The following ANKRD11 variants were observed in gnomAD, a reference collection of about 807,000 sequenced individuals.
ANKRD11 encodes ankyrin repeat domain 11, also known as ankyrin repeat domain-containing protein 11.
A neutral mutation model predicts 195.7 loss-of-function variants in ANKRD11; 17 were observed. The observed-to-expected ratio is 0.09, with a 90% confidence interval of 0.06 to 0.13. The LOEUF (loss-of-function observed/expected upper bound fraction) is 0.13. Among genes scored for constraint, ANKRD11 ranks in the 10% least tolerant of loss-of-function variants. The pLI is 1.00. For synonymous variants in ANKRD11, 1,953 were observed against 1,528.1 expected (o/e 1.28, Z -6.49); for missense variants, 3,735 against 3,566.1 (o/e 1.05, Z -1.21).
rs1178532251 is a variant in ANKRD11, at chr16:89,282,810, C to T, written c.3732G>A (p.Lys1244=). The part of the protein sequence containing the change: ...NKQKLPEKAE[K]KHAAEDKAKS... ...TAGCCTTGTCTTCGGCAGCGTGCTT[C>T]TTTTCAGCCTTCTCGGGGAGCTTCT... Residue 1244 remains lysine (K), a synonymous_variant, in exon 9 of 13, where the codon AAG becomes AAA. Transcript: ENST00000301030. 6.2e-7 allele frequency: 1 copy of T among 1,611,424 alleles called. No individual in the cohort carries two copies. Among genetic ancestry groups the T allele is most frequent in the East Asian group, 2.2e-5 (1 of 44,884 alleles).
In ANKRD11 at chr16:89,304,423, TACAGGCACAC is replaced by T. The variant is rs561793545; in HGVS notation, c.226+773_226+782del. Among the ~76,000 whole-genome samples, 6 of 144,070 alleles carry T rather than the reference TACAGGCACAC, an allele frequency of 4.2e-5. No individual in the cohort carries two copies. The South Asian group carries it at 6.6e-4, about 16-fold the overall frequency. 94.5% of individuals were successfully genotyped at this position (144,070 alleles called of 152,430 possible). A position where few individuals can be genotyped will look rare whatever the true frequency, so the allele number is the denominator to read the frequency against. On this transcript the variant is annotated intron_variant, in intron 4 of 12. Transcript: ENST00000301030. Reference sequence around the variant, plus strand: ...GCATACACACATGAGCGCACATATATACAGGCACACACAGGCACACAAAAGCATACACATA... The same window carrying T: ...GCATACACACATGAGCGCACATATATACAGGCACACAAAAGCATACACATA...
intron 1 of ANKRD11, among the ~76,000 whole-genome samples, chr16:89,442,778 A>C (rs904943008): frequency 6.6e-6 from 1 of 152,108 alleles, no homozygotes; most frequent in African/African-American, 2.4e-5. Context: ...GGTGGCAGGA[A>C]GGTGTGTGCC....
chr16:89,351,884 T>C (rs1044039554), intron 2 of ANKRD11, among the ~76,000 whole-genome samples: 3 of 152,214 alleles, frequency 2.0e-5, no homozygotes, highest in Non-Finnish European at 4.4e-5. Context: ...TGGGTAAGCC[T>C]ACGGTCTGTC....
Position 89,278,865 on chromosome 16 carries a change from G to A in ANKRD11, c.7470+207C>T, listed in dbSNP as rs563659054. 1.9e-4 allele frequency: 162 copies of A among 842,732 alleles called. No individual in the cohort carries two copies. In the African/African-American group the frequency reaches 2.5e-3, roughly 13 times the overall value. The allele number at this position is 842,732 out of a possible 1,614,324, so 52.2% of individuals were successfully genotyped here. On this transcript the variant is annotated intron_variant, in intron 9 of 12. Coordinates refer to ENST00000301030, the MANE Select transcript of ANKRD11 (RefSeq NM_013275.6). ...GAGGCCTGGCACGGACCAGCTGGAG[G>A]AAGGACCTCGGGTCTGCAGAACAGC...
In ANKRD11 at chr16:89,397,668, GT is replaced by G. The variant is rs549874829; in HGVS notation, c.-60+20615del. On this transcript the variant is annotated intron_variant, in intron 2 of 12. Transcript: ENST00000301030. ...CAGGAAGGGTAAGACACAGTTCCCA[GT>G]TTTACAGTGTGCTTTTGTGGATGCT... 1.6e-4 allele frequency among the ~76,000 whole-genome samples: 24 copies of G among 152,350 alleles called. No homozygotes were observed. In the East Asian group the frequency reaches 4.6e-3, roughly 29 times the overall value.
chr16:89,334,286 G>A (rs1336968128), intron 2 of ANKRD11, among the ~76,000 whole-genome samples: 1 of 151,926 alleles, frequency 6.6e-6, no homozygotes, highest in Non-Finnish European at 1.5e-5. Context: ...TGCTGACTGG[G>A]AGTCAACCCC....
chr16:89,318,385 CGTCA>C (rs1437114983), intron 2 of ANKRD11, among the ~76,000 whole-genome samples: 2 of 152,240 alleles, frequency 1.3e-5, no homozygotes, highest in East Asian at 1.9e-4. Context: ...CTCGCCGCAC[CGTCA>C]GTTAGAAAAC....
At chr16:89,288,945 G>A (rs993335225) in intron 6 of ANKRD11, 9 of 557,784 alleles carry the variant, frequency 1.6e-5, no homozygotes, top group Non-Finnish European at 2.9e-5. Flanking sequence ...CCCTAAAAGG[G>A]TAGGAAATCA....
intron 2 of ANKRD11, among the ~76,000 whole-genome samples, chr16:89,378,980 G>C (rs908338145): frequency 4.6e-5 from 7 of 152,224 alleles, no homozygotes; most frequent in Non-Finnish European, 1.0e-4. Flanking sequence ...GGTTCTGACG[G>C]CACACTGGGG....
chr16:89,278,845 C>T, intron 9 of ANKRD11: 2 of 753,330 alleles, frequency 2.7e-6, no homozygotes, highest in South Asian at 2.9e-5. Flanking sequence ...AGACCGAGGC[C>T]TGGCACGGAC....
At chr16:89,487,244 T>G (rs1268682020) in intron 1 of ANKRD11, among the ~76,000 whole-genome samples, 2 of 152,184 alleles carry the variant, frequency 1.3e-5, no homozygotes, top group African/African-American at 4.8e-5. Context: ...TACCTTGCTA[T>G]TAAGAGACAC....
At chr16:89,278,825 G>A (rs749488890) in intron 9 of ANKRD11, 1 of 683,122 alleles carries the variant, frequency 1.5e-6, no homozygotes, top group Non-Finnish European at 2.7e-6. Context: ...AGGGTGAGGG[G>A]GAGGTCAGGA....
At chr16:89,380,551 G>A (rs1169495862) in intron 2 of ANKRD11, among the ~76,000 whole-genome samples, 1 of 97,600 alleles carries the variant, frequency 1.0e-5, no homozygotes, top group East Asian at 3.0e-4. Flanking sequence ...ACGAAGAGCA[G>A]CCCCAGGACC....
intron 2 of ANKRD11, among the ~76,000 whole-genome samples, chr16:89,398,936 G>T (rs1401885675): frequency 6.6e-6 from 1 of 152,106 alleles, no homozygotes; most frequent in African/African-American, 2.4e-5. Context: ...CTCTGGACAA[G>T]GCCTCAAAGA....
At chr16:89,463,064 C>A (rs1366084292) in intron 1 of ANKRD11, among the ~76,000 whole-genome samples, 1 of 150,970 alleles carries the variant, frequency 6.6e-6, no homozygotes, top group Admixed American at 6.6e-5. Context: ...GGTCAGCCCC[C>A]CCGCCCGGCC....
intron 7 of ANKRD11, 41 bp downstream of exon 7, chr16:89,288,487 C>G: frequency 6.2e-7 from 1 of 1,613,858 alleles, no homozygotes; most frequent in Non-Finnish European, 8.5e-7. Flanking sequence ...CACCCAGATG[C>G]CAGGACAGGC....
chr16:89,310,875 T>A (rs2036572489), intron 3 of ANKRD11, among the ~76,000 whole-genome samples: 1 of 152,236 alleles, frequency 6.6e-6, no homozygotes, highest in Non-Finnish European at 1.5e-5. Context: ...AAAGACAGTG[T>A]TCCTCTTTCC....
chr16:89,471,159 C>T (rs887630555), intron 1 of ANKRD11, among the ~76,000 whole-genome samples: 1 of 151,584 alleles, frequency 6.6e-6, no homozygotes, highest in East Asian at 2.0e-4. Context: ...TGGAGATCAG[C>T]CTGACAGCAG....
At chr16:89,379,458 C>A (rs2040554714) in intron 2 of ANKRD11, among the ~76,000 whole-genome samples, 1 of 152,244 alleles carries the variant, frequency 6.6e-6, no homozygotes, top group Non-Finnish European at 1.5e-5. Context: ...CCAAAACCAG[C>A]TCATGTAACT....
Sources: gnomAD v4.1 joint callset for allele counts (sites outside exome capture counted in the v4.1 genomes callset) on GRCh38, gnomAD v4.1.1 for gene constraint, MANE v1.5 for transcripts, NCBI Gene and HGNC (gene_info 2026-07-23, HGNC 2026-07-21) for gene names.